The following ATG7 variants were observed in gnomAD, a reference collection of about 807,000 sequenced individuals.
ATG7 encodes ubiquitin-like modifier-activating enzyme ATG7.
In ATG7, 70 loss-of-function variants were observed where a neutral mutation model predicts 82.4. The ratio of observed to expected loss-of-function variants is 0.85; its 90% CI spans 0.70 to 1.04. The LOEUF is 1.04. Among genes scored for constraint, ATG7 ranks in the 50% least tolerant of loss-of-function variants. The pLI is 0.00. For synonymous variants in ATG7, 287 were observed against 313.0 expected (o/e 0.92, Z 0.88); for missense variants, 792 against 864.3 (o/e 0.92, Z 1.05).
chr3:11,351,556 G>C (rs758879550), intron 14 of ATG7, among the ~76,000 whole-genome samples: 1 of 152,222 alleles, frequency 6.6e-6, no homozygotes, highest in Non-Finnish European at 1.5e-5. Context: ...TGCTGGGCCT[G>C]AGAGAGCAAG....
intron 18 of ATG7, among the ~76,000 whole-genome samples, chr3:11,379,290 G>T (rs1325265077): frequency 6.6e-6 from 1 of 152,142 alleles, no homozygotes; most frequent in Admixed American, 6.5e-5. Context: ...CCCCTTTGGT[G>T]TAAGTATAGT....
chr3:11,403,407 C>T (rs562922889), intron 19 of ATG7, among the ~76,000 whole-genome samples: 1 of 151,462 alleles, frequency 6.6e-6, no homozygotes, highest in South Asian at 2.1e-4. Context: ...GGGATTATGT[C>T]TAAAATGGTA....
intron 20 of ATG7, among the ~76,000 whole-genome samples, chr3:11,484,966 CA>C (rs567793223): frequency 5.5e-4 from 83 of 152,092 alleles, no homozygotes; most frequent in Admixed American, 6.5e-4. Context: ...GGGTTGGTTC[CA>C]AGTCTTTGCT....
At chr3:11,564,848 G>T in the ATG7 span, 1 of 1,604,368 alleles carries the variant, frequency 6.2e-7, no homozygotes, top group Non-Finnish European at 8.5e-7. Flanking sequence ...CTGGCCTGCT[G>T]GCGTCCAGGC....
intron 5 of ATG7, among the ~76,000 whole-genome samples, chr3:11,301,756 C>T (rs186315366): frequency 7.9e-4 from 120 of 152,222 alleles, no homozygotes; most frequent in African/African-American, 2.5e-3. Flanking sequence ...GAAGATGGTA[C>T]GGGGGAGCAT....
chr3:11,315,094 G>A (rs1412394839), intron 8 of ATG7, among the ~76,000 whole-genome samples: 1 of 152,088 alleles, frequency 6.6e-6, no homozygotes. Context: ...GACAGCTTAG[G>A]GAACTACCAT....
the ATG7 span, chr3:11,568,648 A>G: frequency 3.2e-6 from 5 of 1,566,674 alleles, no homozygotes; most frequent in East Asian, 9.4e-5. This position sits in a 1 kb window ranked among gnomAD's most constrained non-coding sequence, Gnocchi z 5.9. Context: ...CAAGACAGAC[A>G]TTGTTTTCCA....
At chr3:11,544,211 G>A (rs1025874631) in intron 20 of ATG7, among the ~76,000 whole-genome samples, 8 of 152,182 alleles carry the variant, frequency 5.3e-5, no homozygotes, top group South Asian at 2.1e-4. Flanking sequence ...CCCATGCTGC[G>A]ATGGGGCTCC....
intron 20 of ATG7, among the ~76,000 whole-genome samples, chr3:11,469,988 C>CAAAAAAAAAAAAAAAAAAAAAAAAAA (rs10628540): frequency 1.1e-5 from 1 of 87,574 alleles, no homozygotes. Flanking sequence ...GACTCCATCT[C>CAAAAAAAAAAAAAAAAAAAAAAAAAA]AAAAAAAAAA....
chr3:11,550,353 CT>C (rs1375994331), intron 20 of ATG7, among the ~76,000 whole-genome samples: 1 of 151,526 alleles, frequency 6.6e-6, no homozygotes, highest in African/African-American at 2.4e-5. Context: ...CTGGCCGTGT[CT>C]TTGTCCACTT....
chr3:11,340,504 C>T lies in ATG7; in HGVS notation c.890-141C>T, dbSNP rs1953367555. 36 of 670,308 alleles carry T rather than the reference C, an allele frequency of 5.4e-5. No individual in the cohort carries two copies. The South Asian group carries it at 7.1e-4, about 13-fold the overall frequency. The allele number at this position is 670,308 out of a possible 1,614,324, so 41.5% of individuals were successfully genotyped here. A position where few individuals can be genotyped will look rare whatever the true frequency, so the allele number is the denominator to read the frequency against. Reference sequence around the variant, plus strand: ...TGTGGAAATTCAGGCCCTCAAGTCTCTTTTAGAAAGAAGCAAACCAAAAGC... The same window carrying T: ...TGTGGAAATTCAGGCCCTCAAGTCTTTTTTAGAAAGAAGCAAACCAAAAGC... On this transcript the variant is annotated intron_variant, in intron 11 of 20. Transcript: ENST00000693202.
Position 11,333,483 on chromosome 3 carries a change from A to G in ATG7, c.889+390A>G, listed in dbSNP as rs372502938. On this transcript the variant is annotated intron_variant, in intron 11 of 20. Coordinates refer to ENST00000693202, the MANE Select transcript of ATG7 (RefSeq NM_001349232.2). ...AAAGTTGTATGTGATCCTGTTCTTC[A>G]TATAGTAAACCAGTCAGGAAAAATG... is the stretch of plus-strand genomic sequence containing the variant. Among the ~76,000 whole-genome samples the G allele has an allele frequency of 4.7e-4, 72 of 152,278 alleles. No individual in the cohort carries two copies. In the South Asian group the frequency reaches 0.014, roughly 30 times the overall value.
chr3:11,377,233 G>GA (rs2077488530), intron 18 of ATG7, among the ~76,000 whole-genome samples: 1 of 152,178 alleles, frequency 6.6e-6, no homozygotes, highest in African/African-American at 2.4e-5. Context: ...TCTAAAACTG[G>GA]AATTATTTTG....
downstream of ATG7, among the ~76,000 whole-genome samples, chr3:11,559,642 G>T (rs2125101334): frequency 6.6e-6 from 1 of 152,370 alleles, no homozygotes; most frequent in East Asian, 1.9e-4. Flanking sequence ...GCAGCTCCAA[G>T]GGTGTGTGTA....
chr3:11,433,312 AAAAG>A (rs939043229), intron 20 of ATG7, among the ~76,000 whole-genome samples: 1 of 151,174 alleles, frequency 6.6e-6, no homozygotes, highest in African/African-American at 2.4e-5. Flanking sequence ...AAAAAAAAAA[AAAAG>A]CTGCGTTTGT....
chr3:11,513,882 C>T (rs893748684), intron 20 of ATG7, among the ~76,000 whole-genome samples: 1 of 152,222 alleles, frequency 6.6e-6, no homozygotes, highest in East Asian at 1.9e-4. Flanking sequence ...TGAACATCTA[C>T]TGTGTACCAG....
At chr3:11,558,275 T>C (rs1049215370), downstream of ATG7, 2 of 525,064 alleles carry the variant, frequency 3.8e-6, no homozygotes, top group Non-Finnish European at 6.7e-6. Flanking sequence ...GCAGCAGACC[T>C]GCATCAGAGG....
chr3:11,519,855 C>T (rs957790115), intron 20 of ATG7, among the ~76,000 whole-genome samples: 1 of 151,996 alleles, frequency 6.6e-6, no homozygotes, highest in African/African-American at 2.4e-5. Flanking sequence ...GCCACCATGC[C>T]CAGCCGAGAG....
At chr3:11,540,996 T>C (rs1302224692) in intron 20 of ATG7, among the ~76,000 whole-genome samples, 1 of 150,422 alleles carries the variant, frequency 6.6e-6, no homozygotes, top group African/African-American at 2.4e-5. Flanking sequence ...GCCTCCCAGG[T>C]TCACGCCATT....
Sources: gnomAD v4.1 joint callset for allele counts (sites outside exome capture counted in the v4.1 genomes callset) on GRCh38, gnomAD v4.1.1 for gene constraint, Gnocchi (gnomAD v3.1) non-coding constraint, MANE v1.5 for transcripts, NCBI Gene and HGNC (gene_info 2026-07-23, HGNC 2026-07-21) for gene names.